PARP15: variants seen among roughly 807,000 people sequenced by gnomAD.
PARP15 encodes the protein protein mono-ADP-ribosyltransferase PARP15.
PARP15 carries 50 observed loss-of-function variants against 62.1 expected under a neutral mutation model. That is an observed-to-expected ratio of 0.81 (90% CI 0.64 to 1.02). The LOEUF (loss-of-function observed/expected upper bound fraction) is 1.02. PARP15 is among the 50% of genes least tolerant of loss of function. The pLI is 0.00. For missense variants in PARP15, 820 were observed against 826.5 expected, an observed-to-expected ratio of 0.99 and a Z score of 0.10; for synonymous variants, 309 against 293.1, an observed-to-expected ratio of 1.05 and a Z score of -0.55.
intron 1 of PARP15, among the ~76,000 whole-genome samples, chr3:122,578,278 TTTTAATATATGACTTTTAGTCATAC>T (rs1403442304): frequency 6.6e-6 from 1 of 152,096 alleles, no homozygotes; most frequent in African/African-American, 2.4e-5. Context: ...TTTAGTCATA[TTTTAATATATGACTTTTAGTCATAC>T]TCTTCCCTAC....
At position 122,580,036 on chromosome 3, in the gene PARP15, T is replaced by TGC. The variant is rs1559915614; in HGVS notation, c.186+2184_186+2185dup. ...ATATATATATATATATATATATATA[T>TGC]GCACGCGCGCACACACACACACAGA... On this transcript the variant is annotated intron_variant, in intron 1 of 11. Transcript: ENST00000464300. Among the ~76,000 whole-genome samples the TGC allele has an allele frequency of 4.3e-5, 6 of 138,792 alleles. No homozygotes were observed. The East Asian group carries it at 1.1e-3, about 25-fold the overall frequency. The allele number at this position is 138,792 out of a possible 152,430, so 91.1% of individuals were successfully genotyped here.
chr3:122,579,889 G>A (rs2080761976), intron 1 of PARP15, among the ~76,000 whole-genome samples: 1 of 150,954 alleles, frequency 6.6e-6, no homozygotes, highest in South Asian at 2.1e-4. Flanking sequence ...TGAGGTAGGA[G>A]AATTGCTGGA....
At chr3:122,630,668 G>A (rs1937012409) in intron 9 of PARP15, among the ~76,000 whole-genome samples, 1 of 152,092 alleles carries the variant, frequency 6.6e-6, no homozygotes, top group Non-Finnish European at 1.5e-5. Context: ...AACAGAGTGA[G>A]ACTCTGTCTC....
intron 4 of PARP15, 136 bp from the exon 5 acceptor site, chr3:122,615,643 A>G: frequency 2.0e-6 from 3 of 1,532,454 alleles, no homozygotes; most frequent in Non-Finnish European, 2.6e-6. Context: ...ATCCTTTAAG[A>G]AGTCTCTGAG....
At chr3:122,619,099 C>G (rs988841243) in intron 6 of PARP15, among the ~76,000 whole-genome samples, 4 of 152,174 alleles carry the variant, frequency 2.6e-5, no homozygotes, top group African/African-American at 9.7e-5. Flanking sequence ...TGCATGCCGG[C>G]TTCTGTGCTA....
At chr3:122,583,114 C>CT (rs67942585) in intron 1 of PARP15, among the ~76,000 whole-genome samples, 9,106 of 82,648 alleles carry the variant, frequency 0.11, 1,315 homozygotes, top group African/African-American at 0.21. Flanking sequence ...TCATCTGTAT[C>CT]TTTTTTTTTT....
chr3:122,580,673 A>G (rs1259286833), intron 1 of PARP15, among the ~76,000 whole-genome samples: 1 of 152,192 alleles, frequency 6.6e-6, no homozygotes, highest in Non-Finnish European at 1.5e-5. Flanking sequence ...ATGTGATAGC[A>G]TGTGTCAGAA....
chr3:122,634,797 A>G (rs1392891290), intron 10 of PARP15, among the ~76,000 whole-genome samples: 1 of 152,272 alleles, frequency 6.6e-6, no homozygotes, highest in East Asian at 1.9e-4. Flanking sequence ...GCACTATTAC[A>G]AAGCATAGAC....
intron 1 of PARP15, among the ~76,000 whole-genome samples, chr3:122,591,902 G>C (rs572874221): frequency 2.0e-5 from 3 of 152,112 alleles, no homozygotes; most frequent in African/African-American, 4.8e-5. Context: ...ACCATCTCAC[G>C]CCAATCAGAA....
rs1206891415 is a variant in PARP15 at position 122,636,252 on chromosome 3, C to T, written c.*152C>T. 10 of 700,834 alleles carry T rather than the reference C, an allele frequency of 1.4e-5. No individual in the cohort carries two copies. The South Asian group carries it at 1.5e-4, about 10-fold the overall frequency. 43.4% of individuals were successfully genotyped at this position (700,834 alleles called of 1,614,324 possible). A position where few individuals can be genotyped will look rare whatever the true frequency, so the allele number is the denominator to read the frequency against. ...ACCTTTTTAAAGTGCTCTATTGCTG[C>T]GATTTGTAGCATACCTTTTTTTCTC... On this transcript the variant is annotated 3_prime_UTR_variant, in exon 12 of 12. Transcript: ENST00000464300.
chr3:122,631,960 G>A, intron 9 of PARP15, 126 bp from the exon 10 acceptor site: 2 of 1,025,482 alleles, frequency 2.0e-6, no homozygotes, highest in Non-Finnish European at 3.0e-6. Context: ...AAGCAATTGT[G>A]AAATGTGTAA....
intron 1 of PARP15, among the ~76,000 whole-genome samples, chr3:122,593,697 A>G (rs996669072): frequency 5.3e-4 from 81 of 152,300 alleles, no homozygotes; most frequent in African/African-American, 1.9e-3. Context: ...CTAGTGTTTT[A>G]CTTTTTCTTC....
intron 9 of PARP15, 62 bp downstream of exon 9, chr3:122,627,095 A>C: frequency 7.4e-7 from 1 of 1,354,860 alleles, no homozygotes; most frequent in East Asian, 2.3e-5. Context: ...GAAAATGTTT[A>C]AGTGTGAATG....
chr3:122,626,942 A>C lies in PARP15; in HGVS notation c.1347A>C (p.Gln449His), dbSNP rs779488823. ...AAACAGTTAAAGTTGTCATTTTTCA[A>C]CCTGAGCTGCTAAATATATTCTACG... ...SLKTVKVVIFQPELLNIFYDS... is the reference protein window; with the variant it reads ...SLKTVKVVIFHPELLNIFYDS... The change falls in exon 9 of 12, where the codon CAA becomes CAC. Residue 449 changes from glutamine (Q) to histidine (H), a missense_variant. By Grantham distance (24) the Gln-to-His change is conservative (BLOSUM62 0). Transcript: ENST00000464300. The C allele has an allele frequency of 3.7e-6, 6 of 1,613,928 alleles. No individual in the cohort carries two copies. The South Asian group carries it at 5.5e-5, about 15-fold the overall frequency.
At chr3:122,625,029 T>C (rs965433564) in intron 8 of PARP15, among the ~76,000 whole-genome samples, 1 of 151,948 alleles carries the variant, frequency 6.6e-6, no homozygotes, top group African/African-American at 2.4e-5. Context: ...TACTATTACA[T>C]TTTTTTACCA....
Position 122,619,790 on chromosome 3 carries a change from G to A in PARP15, c.1010G>A (p.Arg337Lys), listed in dbSNP as rs6793271. The change falls in exon 7 of 12, where the codon AGA becomes AAA. Residue 337 changes from arginine (R) to lysine (K), a missense_variant. This residue lies in a region of PARP15 where 731 missense variants were observed against 727.7 expected (regional missense o/e 1.00). Transcript: ENST00000464300. ...RTFNRKSGVS[R>K]AILEGAGQAV... ...AACATGTCTTATTTAGGTGTGTCAA[G>A]AGCTATTTTAGAAGGTGCTGGACAA... 25,787 of 1,612,114 alleles carry A rather than the reference G, an allele frequency of 0.016. 2,450 individuals carry two copies. In the African/African-American group the frequency reaches 0.25, roughly 15 times the overall value.
At position 122,632,173 on chromosome 3, in the gene PARP15, T is replaced by C. The variant is rs1937095331; in HGVS notation, c.1526T>C (p.Ile509Thr). The change falls in exon 10 of 12, where the codon ATA (isoleucine) becomes ACA (threonine). Residue 509 changes from isoleucine to threonine, a missense_variant. Coordinates refer to ENST00000464300, the MANE Select transcript of PARP15 (RefSeq NM_001113523.3). ...LEPGQSEYNT[I>T]KDKFTRTCSS... is the part of the protein sequence containing the mutation. ...CCAGGACAATCAGAATATAATACCA[T>C]AAAGGACAAGTTCACCCGAACTTGT... The C allele has an allele frequency of 1.2e-6, 2 of 1,613,868 alleles. No individual in the cohort carries two copies. Among genetic ancestry groups the C allele is most frequent in the Non-Finnish European group, 8.5e-7 (1 of 1,179,846 alleles).
intron 1 of PARP15, among the ~76,000 whole-genome samples, chr3:122,594,039 TG>T (rs569123627): frequency 2.3e-4 from 35 of 152,252 alleles, no homozygotes; most frequent in African/African-American, 7.5e-4. Flanking sequence ...AGAATGAAAT[TG>T]GGGGTTAGAG....
At chr3:122,583,112 A>ATT (rs1188440061) in intron 1 of PARP15, among the ~76,000 whole-genome samples, 2 of 84,318 alleles carry the variant, frequency 2.4e-5, no homozygotes, top group African/African-American at 4.6e-5. Context: ...TATCATCTGT[A>ATT]TCTTTTTTTT....
Sources: allele counts gnomAD v4.1 joint callset (sites outside exome capture counted in the v4.1 genomes callset), GRCh38; gene constraint gnomAD v4.1.1; regional missense constraint gnomAD v4.1.1; transcripts MANE v1.5; gene names NCBI Gene and HGNC (gene_info 2026-07-23, HGNC 2026-07-21).